Variants in SLC5A11 observed in about 807,000 individuals in gnomAD.
SLC5A11 encodes the protein solute carrier family 5 member 11, also known as sodium/myo-inositol cotransporter 2.
A neutral mutation model predicts 69.8 loss-of-function variants in SLC5A11; 48 were observed. That is an observed-to-expected ratio of 0.69 (90% confidence interval 0.55 to 0.87). SLC5A11 has a LOEUF of 0.87. Among genes scored for constraint, SLC5A11 ranks in the 40% least tolerant of loss-of-function variants. The probability of loss-of-function intolerance (pLI) is 0.00; values close to 1 mark genes in which losing one functional copy is unlikely to be tolerated. For missense variants in SLC5A11, 784 were observed against 866.1 expected, an observed-to-expected ratio of 0.91 and a Z score of 1.19; for synonymous variants, 319 against 342.4, an observed-to-expected ratio of 0.93 and a Z score of 0.75.
chr16:24,849,581 A>G (rs2059177713), intron 1 of SLC5A11, among the ~76,000 whole-genome samples: 1 of 85,066 alleles, frequency 1.2e-5, no homozygotes, highest in African/African-American at 4.2e-5. Context: ...GCAAAAAAAA[A>G]AAAAAAAAAA....
intron 8 of SLC5A11, among the ~76,000 whole-genome samples, chr16:24,887,150 G>T (rs750599568): frequency 7.2e-5 from 11 of 152,164 alleles, no homozygotes; most frequent in Non-Finnish European, 1.3e-4. Context: ...TTCTCTGTTT[G>T]CCAGGGCTGC....
At chr16:24,873,802 C>A in intron 5 of SLC5A11, among the ~76,000 whole-genome samples, 1 of 150,134 alleles carries the variant, frequency 6.7e-6, no homozygotes, top group East Asian at 2.0e-4. Context: ...AAGGGTGGGT[C>A]ATAGATAATT....
chr16:24,872,383 A>G (rs1049478631), intron 5 of SLC5A11, among the ~76,000 whole-genome samples, 164 bp downstream of exon 6: 7 of 152,146 alleles, frequency 4.6e-5, no homozygotes, highest in African/African-American at 1.7e-4. Flanking sequence ...CACAGGTGAG[A>G]CAATGAGGAA....
chr16:24,876,259 C>A (rs1435317892), intron 6 of SLC5A11, among the ~76,000 whole-genome samples: 1 of 151,674 alleles, frequency 6.6e-6, no homozygotes, highest in African/African-American at 2.4e-5. Context: ...GAGGGAAGGA[C>A]TTTCTCTCCT....
intron 1 of SLC5A11, among the ~76,000 whole-genome samples, chr16:24,849,593 A>AAAAAAAAAAAAAAATATATATATATAT: frequency 1.7e-4 from 6 of 35,902 alleles, no homozygotes; most frequent in Non-Finnish European, 2.2e-4. Context: ...AAAAAAAAAA[A>AAAAAAAAAAAAAAATATATATATATAT]ATATATATAT....
intron 2 of SLC5A11, among the ~76,000 whole-genome samples, chr16:24,862,371 T>C (rs73553417): frequency 0.086 from 13,031 of 152,258 alleles, 1,172 homozygotes; most frequent in East Asian, 0.27. Context: ...ATAAAATAAA[T>C]GTTTGTAGCA....
intron 10 of SLC5A11, among the ~76,000 whole-genome samples, chr16:24,903,199 T>C (rs1044629382): frequency 6.6e-5 from 10 of 151,898 alleles, no homozygotes; most frequent in African/African-American, 1.9e-4. Flanking sequence ...TTTTTTTTTT[T>C]TCTCTTATTA....
chr16:24,861,324 A>G (rs927305543), intron 2 of SLC5A11, among the ~76,000 whole-genome samples: 2 of 152,086 alleles, frequency 1.3e-5, no homozygotes, highest in African/African-American at 4.8e-5. Context: ...TACAAAAAAC[A>G]GAAAAATTAG....
intron 9 of SLC5A11, among the ~76,000 whole-genome samples, chr16:24,894,811 A>G: frequency 7.0e-6 from 1 of 142,086 alleles, no homozygotes; most frequent in Non-Finnish European, 1.5e-5. Flanking sequence ...AAAAACAAAC[A>G]AACAAACAAA....
chr16:24,891,676 C>T (rs2048819137), intron 9 of SLC5A11, among the ~76,000 whole-genome samples: 1 of 151,966 alleles, frequency 6.6e-6, no homozygotes, highest in South Asian at 2.1e-4. Flanking sequence ...GGAGATGATA[C>T]CTTTTAAATG....
intron 1 of SLC5A11, among the ~76,000 whole-genome samples, chr16:24,850,607 G>C (rs1444321561): frequency 6.6e-6 from 1 of 152,132 alleles, no homozygotes; most frequent in Non-Finnish European, 1.5e-5. Context: ...CACGTGTCTC[G>C]GGGTAGTTAG....
intron 2 of SLC5A11, among the ~76,000 whole-genome samples, chr16:24,861,662 AAG>A (rs1226241542): frequency 1.4e-5 from 2 of 143,550 alleles, no homozygotes; most frequent in Non-Finnish European, 3.0e-5. Context: ...AAGAAAGAAA[AAG>A]AAAGAAAGGA....
chr16:24,907,172 G>A (rs979938736), exon 12 of SLC5A11: 3 of 1,613,898 alleles, frequency 1.9e-6, no homozygotes, highest in African/African-American at 2.7e-5. Flanking sequence ...ATGATTGTGG[G>A]CAGGTAAGTC....
At chr16:24,860,391 G>A (rs1257550425) in intron 2 of SLC5A11, among the ~76,000 whole-genome samples, 1 of 152,180 alleles carries the variant, frequency 6.6e-6, no homozygotes, top group Non-Finnish European at 1.5e-5. Flanking sequence ...GGGAAGCAGA[G>A]GTTGTGGTGA....
intron 4 of SLC5A11, among the ~76,000 whole-genome samples, chr16:24,871,379 T>C (rs2047290018): frequency 6.6e-6 from 1 of 152,144 alleles, no homozygotes; most frequent in Admixed American, 6.6e-5. Context: ...CAAACCATCC[T>C]CCCACTTCAG....
intron 10 of SLC5A11, among the ~76,000 whole-genome samples, chr16:24,905,629 C>CGT (rs2049981010): frequency 2.0e-5 from 1 of 49,382 alleles, no homozygotes; most frequent in Non-Finnish European, 4.2e-5. Flanking sequence ...CTCAAAAACA[C>CGT]GCGCGCGCGC....
At chr16:24,865,455 G>T (rs1401460689) in intron 3 of SLC5A11, among the ~76,000 whole-genome samples, 1 of 152,178 alleles carries the variant, frequency 6.6e-6, no homozygotes, top group Non-Finnish European at 1.5e-5. Flanking sequence ...TACTCAGGAG[G>T]CTGAGGCAGG....
intron 9 of SLC5A11, among the ~76,000 whole-genome samples, chr16:24,891,937 G>A (rs1454488318): frequency 1.3e-5 from 2 of 150,928 alleles, no homozygotes; most frequent in East Asian, 2.0e-4. Flanking sequence ...GTGTGGGAGT[G>A]CAATTTAAAA....
At chr16:24,891,546 G>A (rs274083) in intron 9 of SLC5A11, among the ~76,000 whole-genome samples, 109,233 of 151,632 alleles carry the variant, frequency 0.72, 39,415 homozygotes, top group Admixed American at 0.76. Flanking sequence ...CTGCTCTCAG[G>A]CTCCTGAGTT....
Sources: gnomAD v4.1 joint callset for allele counts (sites outside exome capture counted in the v4.1 genomes callset) on GRCh38, gnomAD v4.1.1 for gene constraint, MANE v1.5 for transcripts, NCBI Gene and HGNC (gene_info 2026-07-23, HGNC 2026-07-21) for gene names.